Variants in CLIC4 observed in about 807,000 individuals in gnomAD.
CLIC4 encodes CLIC family member 4, also known as chloride intracellular channel protein 4.
In CLIC4, 13 loss-of-function variants were observed where a neutral mutation model predicts 24.6. That is an observed-to-expected ratio of 0.53 (90% CI 0.34 to 0.84). CLIC4 has a LOEUF of 0.84. Among genes scored for constraint, CLIC4 ranks in the 40% least tolerant of loss-of-function variants. CLIC4 has a pLI of 0.01. For missense variants in CLIC4, 227 were observed against 301.7 expected, an observed-to-expected ratio of 0.75 and a Z score of 1.83; for synonymous variants, 104 against 111.3, an observed-to-expected ratio of 0.93 and a Z score of 0.41.
chr1:24,782,071 C>T (rs929973558), intron 1 of CLIC4, among the ~76,000 whole-genome samples: 2 of 152,108 alleles, frequency 1.3e-5, no homozygotes, highest in Admixed American at 6.5e-5. Flanking sequence ...AACAGATAAC[C>T]TTTGAAAACT....
chr1:24,775,694 C>T (rs1639130600), intron 1 of CLIC4, among the ~76,000 whole-genome samples: 1 of 151,684 alleles, frequency 6.6e-6, no homozygotes, highest in Non-Finnish European at 1.5e-5. Flanking sequence ...TCTTTCCCTA[C>T]TGAGATTTCC....
chr1:24,762,304 C>T (rs1638936972), intron 1 of CLIC4, among the ~76,000 whole-genome samples: 1 of 152,032 alleles, frequency 6.6e-6, no homozygotes, highest in South Asian at 2.1e-4. Flanking sequence ...TGCCTATAGT[C>T]CTAGCTACTT....
intron 1 of CLIC4, among the ~76,000 whole-genome samples, chr1:24,795,878 A>T (rs1170407592): frequency 1.3e-5 from 2 of 152,166 alleles, no homozygotes. Flanking sequence ...AGGATATGGG[A>T]TGTTTATAAT....
intron 2 of CLIC4, among the ~76,000 whole-genome samples, chr1:24,811,134 C>A (rs370573539): frequency 2.0e-5 from 3 of 151,808 alleles, no homozygotes; most frequent in African/African-American, 7.2e-5. Context: ...AATAATGAAC[C>A]CACTACTTAT....
chr1:24,774,942 A>G (rs1265466366), intron 1 of CLIC4, among the ~76,000 whole-genome samples: 1 of 152,132 alleles, frequency 6.6e-6, no homozygotes, highest in East Asian at 1.9e-4. Flanking sequence ...GTGGTGGCGC[A>G]TGCCTGTAAT....
At chr1:24,818,624 T>C (rs1373656687) in intron 3 of CLIC4, among the ~76,000 whole-genome samples, 2 of 152,124 alleles carry the variant, frequency 1.3e-5, no homozygotes, top group Admixed American at 6.6e-5. Flanking sequence ...TATTTATTGA[T>C]TTATTCATTC....
intron 1 of CLIC4, among the ~76,000 whole-genome samples, chr1:24,791,666 A>C (rs1025910322): frequency 6.6e-6 from 1 of 152,140 alleles, no homozygotes; most frequent in Non-Finnish European, 1.5e-5. Flanking sequence ...ACCTGAGGTC[A>C]GGAGTTCGAG....
intron 3 of CLIC4, among the ~76,000 whole-genome samples, chr1:24,821,709 G>A (rs1477278262): frequency 1.3e-5 from 2 of 152,052 alleles, no homozygotes; most frequent in South Asian, 4.2e-4. Flanking sequence ...ACACCACCAC[G>A]CCTGGCTAAT....
At chr1:24,785,537 T>C (rs1193895943) in intron 1 of CLIC4, among the ~76,000 whole-genome samples, 1 of 152,150 alleles carries the variant, frequency 6.6e-6, no homozygotes, top group Non-Finnish European at 1.5e-5. Flanking sequence ...CAAACTTGGT[T>C]CCAGCATGTG....
intron 1 of CLIC4, among the ~76,000 whole-genome samples, chr1:24,755,071 CA>C (rs35295371): frequency 0.022 from 2,494 of 112,778 alleles, 66 homozygotes; most frequent in African/African-American, 0.078. Context: ...GACTCCGTCT[CA>C]AAAAAAAAAA....
chr1:24,800,838 G>A (rs529397272), intron 2 of CLIC4, among the ~76,000 whole-genome samples: 40 of 152,208 alleles, frequency 2.6e-4, no homozygotes, highest in African/African-American at 9.2e-4. Flanking sequence ...GGTGCAAGAT[G>A]TGCTTTGCTA....
intron 4 of CLIC4, among the ~76,000 whole-genome samples, chr1:24,829,170 G>A (rs1639816080): frequency 6.6e-6 from 1 of 152,084 alleles, no homozygotes; most frequent in South Asian, 2.1e-4. Flanking sequence ...AATCAGAGTA[G>A]ACAAGTCTGA....
rs61367134 is a variant in CLIC4 at position 24,773,591 on chromosome 1, CTTTTTTTTTTTTTT to C, written c.73-24139_73-24126del. ...GACAATGAAAAAGTTTGAGATGCAC[CTTTTTTTTTTTTTT>C]TTTTTTTTTTTGACAGGGCCTCACT... On this transcript the variant is annotated intron_variant, in intron 1 of 5. Transcript: ENST00000374379. 9.5e-5 allele frequency among the ~76,000 whole-genome samples: 7 copies of C among 73,990 alleles called. No homozygotes were observed. The South Asian group carries it at 2.3e-3, about 24-fold the overall frequency. The allele number at this position is 73,990 out of a possible 152,430, so 48.5% of individuals were successfully genotyped here.
At chr1:24,819,395 A>T (rs914212970) in intron 3 of CLIC4, among the ~76,000 whole-genome samples, 1 of 152,160 alleles carries the variant, frequency 6.6e-6, no homozygotes, top group Non-Finnish European at 1.5e-5. Context: ...TATACGTCTC[A>T]GTAGGGTACT....
intron 1 of CLIC4, among the ~76,000 whole-genome samples, chr1:24,756,148 C>T (rs576638540): frequency 2.4e-4 from 36 of 152,154 alleles, no homozygotes; most frequent in East Asian, 9.7e-4. Flanking sequence ...TACAGGCGCC[C>T]GCCACCACGC....
Position 24,817,501 on chromosome 1 carries a change from G to A in CLIC4, c.308+3282G>A, listed in dbSNP as rs115950715. Among the ~76,000 whole-genome samples the A allele has an allele frequency of 4.5e-3, 687 of 152,322 alleles. 1 individual carries two copies. Among genetic ancestry groups the A allele is most frequent in the Non-Finnish European group, 7.9e-3 (540 of 68,020 alleles). On this transcript the variant is annotated intron_variant, in intron 3 of 5. Transcript: ENST00000374379. ...TAGAACTGAAGTGAGTTAGGGCCTTGATCTGGATTAGGTTTTGGCTTAAGG... is the reference window on the plus strand; with the variant it reads ...TAGAACTGAAGTGAGTTAGGGCCTTAATCTGGATTAGGTTTTGGCTTAAGG...
chr1:24,752,723 AT>A (rs1638791811), intron 1 of CLIC4, among the ~76,000 whole-genome samples: 1 of 152,124 alleles, frequency 6.6e-6, no homozygotes. Flanking sequence ...ATAATAGTTT[AT>A]TATTATTATT....
intron 3 of CLIC4, among the ~76,000 whole-genome samples, chr1:24,825,717 G>A (rs981593186): frequency 2.0e-5 from 3 of 152,112 alleles, no homozygotes; most frequent in Non-Finnish European, 2.9e-5. Flanking sequence ...ATATTTAGAA[G>A]ATATATCTCT....
intron 3 of CLIC4, among the ~76,000 whole-genome samples, chr1:24,816,164 G>T (rs562076261): frequency 6.7e-6 from 1 of 148,622 alleles, no homozygotes; most frequent in Admixed American, 6.7e-5. Flanking sequence ...ATGAGGGTTA[G>T]AATCCACTTC....
Sources: gnomAD v4.1 joint callset for allele counts (sites outside exome capture counted in the v4.1 genomes callset) on GRCh38, gnomAD v4.1.1 for gene constraint, MANE v1.5 for transcripts, NCBI Gene and HGNC (gene_info 2026-07-23, HGNC 2026-07-21) for gene names.